The following ACSBG1 variants were observed in gnomAD, a reference collection of about 807,000 sequenced individuals.
The protein encoded by ACSBG1 is long-chain-fatty-acid--CoA ligase ACSBG1.
Under a neutral mutation model 80.2 loss-of-function variants are expected in ACSBG1, and 39 were observed. The observed-to-expected ratio is 0.49, with a 90% confidence interval of 0.38 to 0.64. The LOEUF is 0.64. Ranked by LOEUF, ACSBG1 falls within the 30% of genes least tolerant of loss-of-function variation. The pLI, the probability that ACSBG1 is intolerant of heterozygous loss-of-function variation, is 0.00. For synonymous variants in ACSBG1, 392 were observed against 379.5 expected (o/e 1.03, Z -0.38); for missense variants, 828 against 966.4 (o/e 0.86, Z 1.90).
rs202069834 is a variant in ACSBG1 at position 78,182,437 on chromosome 15, C to T, written c.894+29G>A. ...GATCCACCCATAACCCCCTTGCACC[C>T]CCCCCACCCCACCGGGCATCTGTCC... On this transcript the variant is annotated intron_variant, in intron 7 of 13. Coordinates refer to ENST00000258873, the MANE Select transcript of ACSBG1 (RefSeq NM_015162.5). 8.1e-6 allele frequency: 13 copies of T among 1,611,200 alleles called. No homozygotes were observed. In the East Asian group the frequency reaches 1.6e-4, roughly 19 times the overall value.
chr15:78,198,584 G>A (rs28721966), intron 2 of ACSBG1, among the ~76,000 whole-genome samples: 3,522 of 152,102 alleles, frequency 0.023, 136 homozygotes, highest in African/African-American at 0.079. Flanking sequence ...CTGACCTCAG[G>A]TGATCTGCCT....
chr15:78,193,698 C>T, intron 4 of ACSBG1, 72 bp from the exon 5 acceptor site: 1 of 1,502,316 alleles, frequency 6.7e-7, no homozygotes, highest in Non-Finnish European at 8.9e-7. Context: ...ACCCCCACAT[C>T]TGTAGCCCCC....
At chr15:78,233,412 C>T (rs1000143014) in intron 1 of ACSBG1, among the ~76,000 whole-genome samples, 1 of 152,198 alleles carries the variant, frequency 6.6e-6, no homozygotes, top group African/African-American at 2.4e-5. Flanking sequence ...CTTGGTAGCT[C>T]AGACACTGGC....
chr15:78,188,053 C>A (rs2075022532), intron 5 of ACSBG1, among the ~76,000 whole-genome samples: 2 of 152,164 alleles, frequency 1.3e-5, no homozygotes, highest in Admixed American at 6.5e-5. Context: ...AGAGTCAAAT[C>A]ATGCGTGAAC....
Position 78,168,641 on chromosome 15 carries a change from T to C in ACSBG1, c.*2803A>G, listed in dbSNP as rs2074779477. On this transcript the variant is annotated 3_prime_UTR_variant, in exon 14 of 14. Coordinates refer to ENST00000258873, the MANE Select transcript of ACSBG1 (RefSeq NM_015162.5). ...AACTAATCTGGGTTAGGGTCTATTG[T>C]GTGAACAAAGGGAAAATTTTGGTAA... The C allele has an allele frequency of 7.3e-6, 2 of 274,358 alleles. No individual in the cohort carries two copies. Among genetic ancestry groups the C allele is most frequent in the South Asian group, 2.6e-4 (2 of 7,680 alleles). 17.0% of individuals were successfully genotyped at this position (274,358 alleles called of 1,614,324 possible).
At chr15:78,217,216 C>A (rs2075319181) in intron 1 of ACSBG1, among the ~76,000 whole-genome samples, 1 of 152,200 alleles carries the variant, frequency 6.6e-6, no homozygotes, top group Non-Finnish European at 1.5e-5. Flanking sequence ...TAACACATAA[C>A]CAGCACTGCG....
At chr15:78,182,859 G>T in intron 5 of ACSBG1, 74 bp from the exon 6 acceptor site, 1 of 1,534,574 alleles carries the variant, frequency 6.5e-7, no homozygotes, top group Non-Finnish European at 8.9e-7. Context: ...CCATCTCCCT[G>T]TGTGAGTCGG....
At chr15:78,173,202 G>A (rs1013067245) in intron 13 of ACSBG1, among the ~76,000 whole-genome samples, 17 of 151,930 alleles carry the variant, frequency 1.1e-4, no homozygotes, top group Admixed American at 2.0e-4. Context: ...AAAATTAGCC[G>A]GGCATGGTGG....
intron 5 of ACSBG1, among the ~76,000 whole-genome samples, chr15:78,189,515 T>C (rs970428899): frequency 6.6e-6 from 1 of 152,130 alleles, no homozygotes; most frequent in African/African-American, 2.4e-5. Flanking sequence ...GTTCATGTCC[T>C]TTGTAGGGAC....
At chr15:78,202,758 G>A (rs867140631) in intron 2 of ACSBG1, among the ~76,000 whole-genome samples, 20 of 152,292 alleles carry the variant, frequency 1.3e-4, no homozygotes, top group Middle Eastern at 3.4e-3. Context: ...TATATCCAAA[G>A]GCTTGAAACA....
In ACSBG1 at chr15:78,194,733, G is replaced by T. The variant is rs2075097005; in HGVS notation, c.233-7C>A. On this transcript the variant is annotated splice_polypyrimidine_tract_variant and splice_region_variant and intron_variant, in intron 2 of 13. Coordinates refer to ENST00000258873, the MANE Select transcript of ACSBG1 (RefSeq NM_015162.5). Reference sequence around the variant, plus strand: ...GTCGTCCACAGCGCCTCCTCTGTGGGGTGGGGGAGACCACAGCTTGGATCA... The same window carrying T: ...GTCGTCCACAGCGCCTCCTCTGTGGTGTGGGGGAGACCACAGCTTGGATCA... 6.2e-7 allele frequency: 1 copy of T among 1,610,036 alleles called. No homozygotes were observed. The highest frequency in any genetic ancestry group is 1.7e-5 in the Admixed American group (1 of 59,994).
chr15:78,169,206 C>T lies in ACSBG1; in HGVS notation c.*2238G>A. The T allele has an allele frequency of 2.6e-6, 1 of 385,902 alleles. No individual in the cohort carries two copies. Among genetic ancestry groups the T allele is most frequent in the South Asian group, 8.4e-5 (1 of 11,864 alleles). The allele number at this position is 385,902 out of a possible 1,614,324, so 23.9% of individuals were successfully genotyped here. A position where few individuals can be genotyped will look rare whatever the true frequency, so the allele number is the denominator to read the frequency against. On this transcript the variant is annotated 3_prime_UTR_variant, in exon 14 of 14. Transcript: ENST00000258873. The stretch of plus-strand genomic sequence containing the variant: ...GTTTTCAAAGAACTTTTTCCAAGTG[C>T]TTGTTTTATTTATTAAGTGTCTACC...
rs1308571575 is a variant in ACSBG1, at chr15:78,178,863, AG to A, written c.1485-33del. 3 of 1,571,876 alleles carry A rather than the reference AG, an allele frequency of 1.9e-6. No individual in the cohort carries two copies. The highest frequency in any genetic ancestry group is 1.7e-6 in the Non-Finnish European group (2 of 1,162,896). On this transcript the variant is annotated intron_variant, in intron 10 of 13. Transcript: ENST00000258873. This position sits in a 1 kb window ranked among gnomAD's most constrained non-coding sequence, Gnocchi z 4.3. Reference sequence around the variant, plus strand: ...AGGGAGGGGCCGGGAGACTGGTCAGAGGGAGCCGTCTCCTCCAAGCCCCCAC... The same window carrying A: ...AGGGAGGGGCCGGGAGACTGGTCAGAGGAGCCGTCTCCTCCAAGCCCCCAC...
intron 1 of ACSBG1, among the ~76,000 whole-genome samples, chr15:78,211,102 C>T (rs1183110785): frequency 6.6e-6 from 1 of 152,192 alleles, no homozygotes; most frequent in African/African-American, 2.4e-5. Flanking sequence ...TGGAACCTAT[C>T]ATGTTTTCTT....
At position 78,172,480 on chromosome 15, in the gene ACSBG1, A is replaced by G. The variant is rs2074835709; in HGVS notation, c.2090-951T>C. On this transcript the variant is annotated intron_variant, in intron 13 of 13. Coordinates refer to ENST00000258873, the MANE Select transcript of ACSBG1 (RefSeq NM_015162.5). The surrounding 1 kb of genome is among the most constrained non-coding windows in gnomAD (Gnocchi z 4.1). Reference sequence around the variant, plus strand: ...AACCTTGATTTATCCCCCAAAAGCAAGTTTGAAAGAGCTCTGATTTGAGGT... The same window carrying G: ...AACCTTGATTTATCCCCCAAAAGCAGGTTTGAAAGAGCTCTGATTTGAGGT... Among the ~76,000 whole-genome samples the G allele has an allele frequency of 6.6e-6, 1 of 152,144 alleles. No homozygotes were observed. Among genetic ancestry groups the G allele is most frequent in the African/African-American group, 2.4e-5 (1 of 41,420 alleles).
chr15:78,211,467 A>T (rs1285953785), intron 1 of ACSBG1, among the ~76,000 whole-genome samples: 1 of 152,226 alleles, frequency 6.6e-6, no homozygotes, highest in Non-Finnish European at 1.5e-5. Context: ...AGAGCTTACA[A>T]GGTTGGCCCT....
At chr15:78,184,329 T>C (rs546427574) in intron 5 of ACSBG1, among the ~76,000 whole-genome samples, 1 of 151,408 alleles carries the variant, frequency 6.6e-6, no homozygotes, top group East Asian at 1.9e-4. Flanking sequence ...CACCACCACA[T>C]GTCGCTAATT....
At chr15:78,231,400 G>A (rs1567103518) in intron 1 of ACSBG1, among the ~76,000 whole-genome samples, 1 of 151,892 alleles carries the variant, frequency 6.6e-6, no homozygotes, top group Non-Finnish European at 1.5e-5. Flanking sequence ...CAAAGTACGG[G>A]GATTACAGGT....
At position 78,179,599 on chromosome 15, in the gene ACSBG1, T is replaced by A. The variant is rs756313433; in HGVS notation, c.1435A>T (p.Thr479Ser). ...RLYAGYGLSE[T>S]SGPHFMSSPY... is the part of the protein sequence containing the mutation. Reference sequence around the variant, plus strand: ...CTGGACATGAAGTGGGGGCCTGAGGTCTCACTGAGGCCGTAGCCCGCATAC... The same window carrying A: ...CTGGACATGAAGTGGGGGCCTGAGGACTCACTGAGGCCGTAGCCCGCATAC... Residue 479 changes from threonine to serine, a missense_variant, in exon 10 of 14, where the codon ACC (threonine) becomes TCC (serine). Physicochemically the swap from Thr to Ser is moderately conservative, Grantham distance 58. This residue lies in a region of ACSBG1 where 271 missense variants were observed against 375.9 expected (regional missense o/e 0.72). Transcript: ENST00000258873. 2.5e-6 allele frequency: 4 copies of A among 1,614,046 alleles called. No homozygotes were observed. Among genetic ancestry groups the A allele is most frequent in the East Asian group, 2.2e-5 (1 of 44,892 alleles).
Sources: allele counts gnomAD v4.1 joint callset (sites outside exome capture counted in the v4.1 genomes callset), GRCh38; gene constraint gnomAD v4.1.1; regional missense constraint gnomAD v4.1.1; non-coding constraint Gnocchi (gnomAD v3.1); transcripts MANE v1.5; gene names NCBI Gene and HGNC (gene_info 2026-07-23, HGNC 2026-07-21).